DMBT1: variants seen among roughly 807,000 people sequenced by gnomAD.
DMBT1 encodes the protein scavenger receptor cysteine-rich domain-containing protein DMBT1.
A neutral mutation model predicts 252.9 loss-of-function variants in DMBT1; 198 were observed. That is an observed-to-expected ratio of 0.78 (90% CI 0.70 to 0.88). DMBT1 has a LOEUF of 0.88. Among genes scored for constraint, DMBT1 ranks in the 40% least tolerant of loss-of-function variants. DMBT1 has a pLI of 0.00. For missense variants in DMBT1, 2,432 were observed against 2,404.7 expected (o/e 1.01, Z -0.24); for synonymous variants, 990 against 942.7 (o/e 1.05, Z -0.92).
intron 44 of DMBT1, among the ~76,000 whole-genome samples, chr10:122,622,178 C>T (rs944601620): frequency 6.6e-6 from 1 of 152,096 alleles, no homozygotes; most frequent in African/African-American, 2.4e-5. Flanking sequence ...TGCTTGGATC[C>T]CTTATAAGGA....
chr10:122,637,232 T>G lies in DMBT1; in HGVS notation c.6862T>G (p.Tyr2288Asp). Reference protein sequence around the residue: ...SDLVISTWNGYYECRPQITPN... With the variant: ...SDLVISTWNGDYECRPQITPN... ...CCTTGTCATTTCCACCTGGAATGGA[T>G]ACTACGAGTGTCGGCCCCAGATAAC... Residue 2288 changes from tyrosine to aspartate, a missense_variant, in exon 54 of 56, where the codon TAC becomes GAC. Tyr to Asp is a radical substitution (Grantham distance 160). Transcript: ENST00000338354. The G allele has an allele frequency of 6.2e-7, 1 of 1,614,014 alleles. No individual in the cohort carries two copies. Among genetic ancestry groups the G allele is most frequent in the Non-Finnish European group, 8.5e-7 (1 of 1,179,894 alleles).
intron 55 of DMBT1, among the ~76,000 whole-genome samples, chr10:122,642,917 T>C (rs2133707556): frequency 6.6e-6 from 1 of 152,226 alleles, no homozygotes; most frequent in South Asian, 2.1e-4. Flanking sequence ...TGCCTAAGGA[T>C]GGCGGTGAGG....
In DMBT1 at chr10:122,618,108, C is replaced by G; in HGVS notation, c.4983C>G (p.Thr1661=). 2 of 1,613,864 alleles carry G rather than the reference C, an allele frequency of 1.2e-6. No homozygotes were observed. The highest frequency in any genetic ancestry group is 1.7e-6 in the Non-Finnish European group (2 of 1,179,856). The change falls in exon 41 of 56, where the codon ACC becomes ACG. Residue 1661 remains threonine, a synonymous_variant. Coordinates refer to ENST00000338354, the MANE Select transcript of DMBT1 (RefSeq NM_001377530.1). ...TCCTATACCAAGGCTCCTGGGGCAC[C>G]GTGTGTGATGACTACTGGGACACCA... ...VEVLYQGSWG[T]VCDDYWDTND... is the part of the protein sequence containing the mutation.
rs894209014 is a variant in DMBT1, at chr10:122,626,047, C to T, written c.5668+82C>T. 1.2e-5 allele frequency: 14 copies of T among 1,165,576 alleles called. No individual in the cohort carries two copies. The African/African-American group carries it at 1.7e-4, about 14-fold the overall frequency. The allele number at this position is 1,165,576 out of a possible 1,614,324, so 72.2% of individuals were successfully genotyped here. On this transcript the variant is annotated intron_variant, in intron 46 of 55. Transcript: ENST00000338354. ...TGGCTATCCATGAGCGAATGCTCTG[C>T]CCCACCCCAGCCTTCCTCAATCTGC...
chr10:122,573,533 T>A (rs547694283), intron 5 of DMBT1, among the ~76,000 whole-genome samples, 182 bp from the exon 6 acceptor site: 71 of 152,290 alleles, frequency 4.7e-4, no homozygotes, highest in African/African-American at 1.6e-3. Flanking sequence ...TCATGTGGCA[T>A]CCTAGCCCAG....
chr10:122,576,763 A>C, intron 7 of DMBT1, 41 bp downstream of exon 7: 1 of 1,611,098 alleles, frequency 6.2e-7, no homozygotes, highest in Non-Finnish European at 8.5e-7. Flanking sequence ...GTGGTGGCTC[A>C]TGCCTTTAAT....
chr10:122,579,683 A>G lies in DMBT1; in HGVS notation c.785A>G (p.Tyr262Cys), dbSNP rs199611914. Residue 262 changes from tyrosine (Y) to cysteine (C), a missense_variant, in exon 10 of 56, where the codon TAC (tyrosine) becomes TGC (cysteine). This residue lies in a region of DMBT1 where 1,264 missense variants were observed against 1,082.2 expected (regional missense o/e 1.17). Coordinates refer to ENST00000338354, the MANE Select transcript of DMBT1 (RefSeq NM_001377530.1). Reference sequence around the variant, plus strand: ...TCCTGGGGCACCGTGTGTGATGACTACTGGGACACCAATGATGCCAATGTG... The same window carrying G: ...TCCTGGGGCACCGTGTGTGATGACTGCTGGGACACCAATGATGCCAATGTG... ...RGSWGTVCDDYWDTNDANVVC... is the reference protein window; with the variant it reads ...RGSWGTVCDDCWDTNDANVVC... The G allele has an allele frequency of 1.1e-3, 1,838 of 1,613,818 alleles. 34 individuals carry two copies. In the South Asian group the frequency reaches 0.019, roughly 16 times the overall value.
chr10:122,642,771 C>T (rs1427192697), intron 55 of DMBT1, among the ~76,000 whole-genome samples: 1 of 152,156 alleles, frequency 6.6e-6, no homozygotes, highest in Non-Finnish European at 1.5e-5. Flanking sequence ...CTCCTGGGCT[C>T]CAAACTCCAG....
chr10:122,587,768 C>G (rs576471928), intron 16 of DMBT1, among the ~76,000 whole-genome samples: 4 of 148,678 alleles, frequency 2.7e-5, no homozygotes, highest in Non-Finnish European at 4.5e-5. Flanking sequence ...ACTTTATACT[C>G]CTTTGGGCAG....
At chr10:122,569,486 G>C (rs1045832639) in intron 2 of DMBT1, among the ~76,000 whole-genome samples, 8 of 152,190 alleles carry the variant, frequency 5.3e-5, no homozygotes, top group Admixed American at 3.9e-4. Context: ...TGGACACCAA[G>C]GGGTCCTTTA....
At chr10:122,573,550 G>A (rs1218271703) in intron 5 of DMBT1, among the ~76,000 whole-genome samples, 165 bp from the exon 6 acceptor site, 1 of 152,166 alleles carries the variant, frequency 6.6e-6, no homozygotes, top group Non-Finnish European at 1.5e-5. Context: ...CCAGTCTGGG[G>A]CCAGTACAAT....
chr10:122,633,249 C>A lies in DMBT1; in HGVS notation c.6456C>A (p.Phe2152Leu). 6.2e-7 allele frequency: 1 copy of A among 1,614,046 alleles called. No homozygotes were observed. The highest frequency in any genetic ancestry group is 8.5e-7 in the Non-Finnish European group (1 of 1,179,900). The stretch of plus-strand genomic sequence containing the variant: ...CATCAGGGGACTTTTCCAGCCCATT[C>A]TATCCCGGGAACTATCCAAACAATG... The part of the protein sequence containing the change: ...SQPSGDFSSP[F>L]YPGNYPNNAK... Residue 2152 changes from phenylalanine to leucine, a missense_variant, in exon 52 of 56, where the codon TTC (phenylalanine) becomes TTA (leucine). By Grantham distance (22) the Phe-to-Leu change is conservative. Around this residue, in one of 3 missense-constraint regions of DMBT1, gnomAD observed 1,162 missense variants for 1,169.0 expected, o/e 0.99. Coordinates refer to ENST00000338354, the MANE Select transcript of DMBT1 (RefSeq NM_001377530.1).
At chr10:122,626,496 G>A (rs567975559) in intron 46 of DMBT1, among the ~76,000 whole-genome samples, 1 of 152,118 alleles carries the variant, frequency 6.6e-6, no homozygotes, top group Admixed American at 6.5e-5. Flanking sequence ...TAATTTTTTT[G>A]CATACCTCAC....
At chr10:122,574,270 C>A (rs565389448) in intron 6 of DMBT1, among the ~76,000 whole-genome samples, 78 of 152,344 alleles carry the variant, frequency 5.1e-4, no homozygotes, top group African/African-American at 1.8e-3. Flanking sequence ...TGTACTTCCC[C>A]CTTGGGTATC....
At chr10:122,629,027 T>C (rs965985499) in intron 46 of DMBT1, among the ~76,000 whole-genome samples, 1 of 152,142 alleles carries the variant, frequency 6.6e-6, no homozygotes, top group Non-Finnish European at 1.5e-5. Flanking sequence ...TGTGCACATG[T>C]TTTTAAAAAG....
Position 122,621,293 on chromosome 10 carries a change from A to C in DMBT1, c.5521A>C (p.Asn1841His), listed in dbSNP as rs769699362. The C allele has an allele frequency of 6.4e-5, 103 of 1,613,632 alleles. No individual in the cohort carries two copies. Among genetic ancestry groups the C allele is most frequent in the Admixed American group, 3.0e-4 (18 of 59,994 alleles). The stretch of plus-strand genomic sequence containing the variant: ...CCTGGATGATGTGCGCTGCTCAGGG[A>C]ATGAGTCCTACCTGTGGAGCTGCCC... ...IVLDDVRCSG[N>H]ESYLWSCPHK... is the part of the protein sequence containing the mutation. The change falls in exon 44 of 56, where the codon AAT becomes CAT. Residue 1841 changes from asparagine (N) to histidine (H), a missense_variant. By Grantham distance (68) the Asn-to-His change is moderately conservative. Around this residue, in one of 3 missense-constraint regions of DMBT1, gnomAD observed 1,162 missense variants for 1,169.0 expected, o/e 0.99. Transcript: ENST00000338354.
rs369859328 is a variant in DMBT1, at chr10:122,620,241, T to G, written c.5246-12T>G. 10 of 1,613,846 alleles carry G rather than the reference T, an allele frequency of 6.2e-6. No homozygotes were observed. The highest frequency in any genetic ancestry group is 7.6e-6 in the Non-Finnish European group (9 of 1,179,872). On this transcript the variant is annotated splice_polypyrimidine_tract_variant and intron_variant, in intron 42 of 55. Coordinates refer to ENST00000338354, the MANE Select transcript of DMBT1 (RefSeq NM_001377530.1). Reference sequence around the variant, plus strand: ...GTCTAATTTTGTCCTTTCTCTTTGTTGCAATTTACAGATACTTGGCTGACC... The same window carrying G: ...GTCTAATTTTGTCCTTTCTCTTTGTGGCAATTTACAGATACTTGGCTGACC...
chr10:122,640,129 C>T lies in DMBT1; in HGVS notation c.7032C>T (p.His2344=), dbSNP rs147956447. The change falls in exon 55 of 56, where the codon CAC becomes CAT. Residue 2344 remains histidine, a synonymous_variant. Coordinates refer to ENST00000338354, the MANE Select transcript of DMBT1 (RefSeq NM_001377530.1). Reference sequence around the variant, plus strand: ...AGAGGAGGACAGACCTCCGTATTCACGTCAGCTGCAGAATGCTTCAGAACA... The same window carrying T: ...AGAGGAGGACAGACCTCCGTATTCATGTCAGCTGCAGAATGCTTCAGAACA... The part of the protein sequence containing the change: ...IIKRRTDLRI[H]VSCRMLQNTW... 9.8e-4 allele frequency: 1,588 copies of T among 1,614,048 alleles called. 9 individuals carry two copies. In the African/African-American group the frequency reaches 0.017, roughly 18 times the overall value.
intron 2 of DMBT1, 53 bp from the exon 3 acceptor site, chr10:122,570,108 GC>G: frequency 1.3e-6 from 2 of 1,499,798 alleles, no homozygotes; most frequent in Non-Finnish European, 1.9e-6. Context: ...CCAGGGACCA[GC>G]CCTCCCCAAG....
Sources: allele counts gnomAD v4.1 joint callset (sites outside exome capture counted in the v4.1 genomes callset), GRCh38; gene constraint gnomAD v4.1.1; regional missense constraint gnomAD v4.1.1; transcripts MANE v1.5; gene names NCBI Gene and HGNC (gene_info 2026-07-23, HGNC 2026-07-21).